ZNF318: variants seen among roughly 807,000 people sequenced by gnomAD.
ZNF318 encodes the protein endocrine regulator.
Under a neutral mutation model 124.2 loss-of-function variants are expected in ZNF318, and 51 were observed. The observed-to-expected ratio is 0.41, with a 90% CI of 0.33 to 0.52. The LOEUF is 0.52. Ranked by LOEUF, ZNF318 falls within the 20% of genes least tolerant of loss-of-function variation. The pLI is 0.23. For synonymous variants in ZNF318, 1,090 were observed against 1,040.7 expected (o/e 1.05, Z -0.91); for missense variants, 2,815 against 2,811.2 (o/e 1.00, Z -0.03).
chr6:43,342,670 A>G lies in ZNF318; in HGVS notation c.3276+6T>C. 1 of 1,614,022 alleles carries G rather than the reference A, an allele frequency of 6.2e-7. No individual in the cohort carries two copies. On this transcript the variant is annotated splice_donor_region_variant and intron_variant, in intron 7 of 9. Coordinates refer to ENST00000361428, the MANE Select transcript of ZNF318 (RefSeq NM_014345.3). ...GAGTGAAAATAACAGAGAGTAGGAT[A>G]CCAACCTGTGTGTGCTTCTTATTGT...
At chr6:43,356,466 A>AG (rs1779610254) in intron 3 of ZNF318, among the ~76,000 whole-genome samples, 2 of 152,174 alleles carry the variant, frequency 1.3e-5, no homozygotes, top group African/African-American at 4.8e-5. Flanking sequence ...CCAAAAGAAA[A>AG]GGAAAAAAAA....
At chr6:43,357,811 A>G (rs752985358) in intron 2 of ZNF318, 46 bp from the exon 3 acceptor site, 3 of 1,525,036 alleles carry the variant, frequency 2.0e-6, no homozygotes, top group East Asian at 2.2e-5. Context: ...CTTGGAAAGA[A>G]TAAGAGCAGA....
At chr6:43,359,482 C>T (rs1779654356) in intron 2 of ZNF318, among the ~76,000 whole-genome samples, 1 of 152,174 alleles carries the variant, frequency 6.6e-6, no homozygotes, top group African/African-American at 2.4e-5. Context: ...ATGAAAACTT[C>T]TAAGTACTCT....
chr6:43,340,364 TCTC>T lies in ZNF318; in HGVS notation c.3631_3633del (p.Glu1211del), dbSNP rs1779356765. 6.2e-7 allele frequency: 1 copy of T among 1,614,178 alleles called. No homozygotes were observed. Among genetic ancestry groups the T allele is most frequent in the Non-Finnish European group, 8.5e-7 (1 of 1,180,040 alleles). On this transcript the variant is annotated inframe_deletion, in exon 10 of 10. Transcript: ENST00000361428. ...ACAGCCTTTGCCTTTTTTTCTTTCT[TCTC>T]CTCCTTTGGTTTCTCACTAAGTTTG...
In ZNF318 at chr6:43,338,123, A is replaced by C; in HGVS notation, c.5875T>G (p.Trp1959Gly). Residue 1959 changes from tryptophan (W) to glycine (G), a missense_variant, in exon 10 of 10, where the codon TGG becomes GGG. By Grantham distance (184) the Trp-to-Gly change is radical (BLOSUM62 -2). Coordinates refer to ENST00000361428, the MANE Select transcript of ZNF318 (RefSeq NM_014345.3). ...QVKKIYELAV[W>G]DENKKRPETW... is the part of the protein sequence containing the mutation. The stretch of plus-strand genomic sequence containing the variant: ...TCTGGCCTCTTCTTGTTTTCATCCC[A>C]AACAGCCAACTCATAGATCTTTTTA... 1 of 1,613,362 alleles carries C rather than the reference A, an allele frequency of 6.2e-7. No individual in the cohort carries two copies. Among genetic ancestry groups the C allele is most frequent in the Non-Finnish European group, 8.5e-7 (1 of 1,179,820 alleles).
Position 43,342,865 on chromosome 6 carries a change from G to A in ZNF318, c.3087C>T (p.Asn1029=). Residue 1029 remains asparagine (N), a synonymous_variant, in exon 7 of 10, where the codon AAC becomes AAT. Coordinates refer to ENST00000361428, the MANE Select transcript of ZNF318 (RefSeq NM_014345.3). The part of the protein sequence containing the change: ...NSSSNKESKV[N]NEKFRTKSPK... ...GGCTCTTAGTACGAAACTTCTCATTGTTTACTTTTGATTCCTAGAGGGGAA... is the reference window on the plus strand; with the variant it reads ...GGCTCTTAGTACGAAACTTCTCATTATTTACTTTTGATTCCTAGAGGGGAA... The A allele has an allele frequency of 6.2e-7, 1 of 1,610,864 alleles. No individual in the cohort carries two copies. Among genetic ancestry groups the A allele is most frequent in the Non-Finnish European group, 8.5e-7 (1 of 1,177,578 alleles).
chr6:43,337,805 T>G lies in ZNF318; in HGVS notation c.6193A>C (p.Ile2065Leu). Residue 2065 changes from isoleucine (I) to leucine (L), a missense_variant, in exon 10 of 10, where the codon ATC (isoleucine) becomes CTC (leucine). Ile to Leu is a conservative substitution (Grantham distance 5, BLOSUM62 2). Transcript: ENST00000361428. ...AACGGAAACCCAGAAAAAGATGGGATTGGTTCGAAGTCAGCGGGATCGGAG... is the reference window on the plus strand; with the variant it reads ...AACGGAAACCCAGAAAAAGATGGGAGTGGTTCGAAGTCAGCGGGATCGGAG... ...NSSDPADFEP[I>L]PSFSGFPLDS... 3 of 1,614,130 alleles carry G rather than the reference T, an allele frequency of 1.9e-6. No individual in the cohort carries two copies. Among genetic ancestry groups the G allele is most frequent in the Non-Finnish European group, 2.5e-6 (3 of 1,180,030 alleles).
At position 43,355,017 on chromosome 6, in the gene ZNF318, G is replaced by A. The variant is rs2150754362; in HGVS notation, c.2317C>T (p.Arg773Trp). The change falls in exon 4 of 10, where the codon CGG becomes TGG. Residue 773 changes from arginine (R) to tryptophan (W), a missense_variant. Around this residue, in one of 4 missense-constraint regions of ZNF318, gnomAD observed 1,377 missense variants for 1,353.5 expected, o/e 1.02. Coordinates refer to ENST00000361428, the MANE Select transcript of ZNF318 (RefSeq NM_014345.3). ...GGTCCCTGGTAGTTCGGAGGTATCC[G>A]AGCTGCAGCAAACTGAGAGGCCCTT... ...MPRASQFAAARIPPNYQGPAI... is the reference protein window; with the variant it reads ...MPRASQFAAAWIPPNYQGPAI... 1.2e-6 allele frequency: 2 copies of A among 1,612,842 alleles called. No homozygotes were observed. The highest frequency in any genetic ancestry group is 1.1e-5 in the South Asian group (1 of 90,896).
chr6:43,357,455 C>T lies in ZNF318; in HGVS notation c.859G>A (p.Gly287Arg), dbSNP rs1195965296. 2 of 1,614,152 alleles carry T rather than the reference C, an allele frequency of 1.2e-6. No homozygotes were observed. Among genetic ancestry groups the T allele is most frequent in the African/African-American group, 1.3e-5 (1 of 75,038 alleles). ...CCTGATGTAAAACTTGGGTGATCCC[C>T]TCCCATGCTGTTTATCTTCACTGTG... ...DDTVKINSMG[G>R]DHPSFTSGTR... The change falls in exon 3 of 10, where the codon GGG becomes AGG. Residue 287 changes from glycine to arginine, a missense_variant. Transcript: ENST00000361428.
intron 4 of ZNF318, among the ~76,000 whole-genome samples, 167 bp downstream of exon 4, chr6:43,354,497 G>A (rs1163984963): frequency 6.6e-6 from 1 of 152,200 alleles, no homozygotes; most frequent in African/African-American, 2.4e-5. Context: ...GATAAAACAT[G>A]TGTGAAAAAC....
intron 8 of ZNF318, among the ~76,000 whole-genome samples, chr6:43,341,150 T>A (rs2242153): frequency 0.23 from 34,970 of 151,930 alleles, 4,317 homozygotes; most frequent in African/African-American, 0.32. Flanking sequence ...AATTTAGGAG[T>A]TTCCTGTGCC....
rs150327961 is a variant in ZNF318 at position 43,359,830 on chromosome 6, T to C, written c.549-2065A>G. 1.5e-4 allele frequency among the ~76,000 whole-genome samples: 23 copies of C among 152,332 alleles called. 1 individual carries two copies. The highest frequency in any genetic ancestry group is 5.3e-4 in the African/African-American group (22 of 41,576). On this transcript the variant is annotated intron_variant, in intron 2 of 9. Coordinates refer to ENST00000361428, the MANE Select transcript of ZNF318 (RefSeq NM_014345.3). ...GAATCCAGGTTTCTGTTACCCACCT[T>C]CTTCCTAAGAATTTGGGAAATTTTG... is the stretch of plus-strand genomic sequence containing the variant.
chr6:43,340,676 G>T (rs546554325), intron 9 of ZNF318, 114 bp downstream of exon 9: 2 of 1,515,780 alleles, frequency 1.3e-6, no homozygotes, highest in African/African-American at 1.4e-5. Flanking sequence ...GAACTTAGAG[G>T]TTATATGGAA....
chr6:43,350,829 A>G (rs939828688), intron 5 of ZNF318, among the ~76,000 whole-genome samples: 3 of 152,214 alleles, frequency 2.0e-5, no homozygotes, highest in Non-Finnish European at 4.4e-5. Flanking sequence ...AAATTTTTAA[A>G]TAACTATTAT....
chr6:43,352,477 CTGCAAAATACAAAG>C lies in ZNF318; in HGVS notation c.2671-15_2671-2del. 6.2e-7 allele frequency: 1 copy of C among 1,613,464 alleles called. No homozygotes were observed. The highest frequency in any genetic ancestry group is 8.5e-7 in the Non-Finnish European group (1 of 1,179,470). Reference sequence around the variant, plus strand: ...TTAGTTTTTCCCTCTCTTCAATAACCTGCAAAATACAAAGTGGTAAGAGAGTCCATCTCCTCCAA... The same window carrying C: ...TTAGTTTTTCCCTCTCTTCAATAACCTGGTAAGAGAGTCCATCTCCTCCAA... On this transcript the variant is annotated splice_acceptor_variant and splice_polypyrimidine_tract_variant and intron_variant, in intron 4 of 9. Coordinates refer to ENST00000361428, the MANE Select transcript of ZNF318 (RefSeq NM_014345.3). LOFTEE classifies it high-confidence loss of function.
At chr6:43,340,676 G>GA (rs1779362819) in intron 9 of ZNF318, 114 bp downstream of exon 9, 31 of 1,515,786 alleles carry the variant, frequency 2.0e-5, no homozygotes, top group Admixed American at 3.8e-5. Context: ...GAACTTAGAG[G>GA]TTATATGGAA....
chr6:43,340,446 A>G lies in ZNF318; in HGVS notation c.3552T>C (p.Ala1184=). The change falls in exon 10 of 10, where the codon GCT becomes GCC. Residue 1184 remains alanine, a synonymous_variant. Coordinates refer to ENST00000361428, the MANE Select transcript of ZNF318 (RefSeq NM_014345.3). ...CTGTCTCTAGGACCACAGCCAAGCC[A>G]GCTTGGCGGTCCAGATTCCGCCGCT... ...YEERRNLDRQ[A]GLAVVLETER... The G allele has an allele frequency of 1.2e-6, 2 of 1,613,486 alleles. No individual in the cohort carries two copies. The highest frequency in any genetic ancestry group is 1.7e-6 in the Non-Finnish European group (2 of 1,179,878).
intron 2 of ZNF318, among the ~76,000 whole-genome samples, chr6:43,360,176 A>G (rs1779661723): frequency 6.6e-6 from 1 of 152,244 alleles, no homozygotes. Context: ...GGTCTAAACC[A>G]GTACTAACTA....
intron 2 of ZNF318, chr6:43,363,761 C>A (rs1460725996): frequency 6.2e-6 from 4 of 644,658 alleles, no homozygotes; most frequent in Non-Finnish European, 1.1e-5. Flanking sequence ...CAGAAGCAGA[C>A]CCACACTGGC....
Sources: gnomAD v4.1 joint callset for allele counts (sites outside exome capture counted in the v4.1 genomes callset) on GRCh38, gnomAD v4.1.1 for gene constraint, gnomAD v4.1.1 regional missense constraint, MANE v1.5 for transcripts, NCBI Gene and HGNC (gene_info 2026-07-23, HGNC 2026-07-21) for gene names.